BNC2: variants seen among roughly 807,000 people sequenced by gnomAD.
BNC2 encodes zinc finger protein basonuclin-2.
BNC2 carries 20 observed loss-of-function variants against 76.3 expected under a neutral mutation model. That is an observed-to-expected ratio of 0.26 (90% CI 0.18 to 0.38). BNC2 has a LOEUF of 0.38. Ranked by LOEUF, BNC2 falls within the 10% of genes least tolerant of loss-of-function variation. The probability of loss-of-function intolerance (pLI) is 1.00; values close to 1 mark genes in which losing one functional copy is unlikely to be tolerated. For synonymous variants in BNC2, 582 were observed against 514.8 expected (o/e 1.13, Z -1.77); for missense variants, 1,382 against 1,399.8 (o/e 0.99, Z 0.20).
intron 1 of BNC2, among the ~76,000 whole-genome samples, chr9:16,806,461 A>G (rs1343414128): frequency 6.6e-6 from 1 of 152,174 alleles, no homozygotes; most frequent in Non-Finnish European, 1.5e-5. Context: ...GAACATAATG[A>G]TAAGAAGGAA....
At chr9:16,503,306 C>T (rs1822559520) in intron 5 of BNC2, among the ~76,000 whole-genome samples, 1 of 152,114 alleles carries the variant, frequency 6.6e-6, no homozygotes, top group Non-Finnish European at 1.5e-5. Flanking sequence ...AGCAGAATAT[C>T]ATTCTTCCTG....
chr9:16,453,627 C>T (rs1425249804), intron 5 of BNC2, among the ~76,000 whole-genome samples: 1 of 152,160 alleles, frequency 6.6e-6, no homozygotes, highest in African/African-American at 2.4e-5. Context: ...AAGTGCACCT[C>T]TGACCACATT....
intron 5 of BNC2, among the ~76,000 whole-genome samples, chr9:16,462,308 G>C (rs1472105704): frequency 2.6e-5 from 4 of 152,118 alleles, no homozygotes; most frequent in African/African-American, 9.7e-5. Context: ...TTAATAAAGT[G>C]ATACATCTAA....
At chr9:16,479,218 C>G (rs1821992974) in intron 5 of BNC2, among the ~76,000 whole-genome samples, 1 of 149,132 alleles carries the variant, frequency 6.7e-6, no homozygotes, top group Non-Finnish European at 1.5e-5. Flanking sequence ...CCACTGTACT[C>G]CAGCCTGGGC....
At chr9:16,709,573 G>A (rs771135389) in intron 3 of BNC2, among the ~76,000 whole-genome samples, 3 of 152,150 alleles carry the variant, frequency 2.0e-5, no homozygotes, top group South Asian at 2.1e-4. Context: ...CAGCATTCAG[G>A]AGCCTCATTA....
chr9:16,625,266 T>C (rs1820962430), intron 3 of BNC2, among the ~76,000 whole-genome samples: 1 of 152,120 alleles, frequency 6.6e-6, no homozygotes, highest in Admixed American at 6.5e-5. Flanking sequence ...GATCGGGAAA[T>C]GAAATATGTT....
At chr9:16,569,193 A>G (rs1472967537) in intron 4 of BNC2, among the ~76,000 whole-genome samples, 3 of 151,778 alleles carry the variant, frequency 2.0e-5, no homozygotes, top group African/African-American at 7.3e-5. Context: ...TCCTCATTAC[A>G]TTACTATACC....
At chr9:16,695,523 TTC>T (rs1361138904) in intron 3 of BNC2, among the ~76,000 whole-genome samples, 3 of 126,954 alleles carry the variant, frequency 2.4e-5, no homozygotes, top group Middle Eastern at 3.9e-3. Context: ...CTAAATTTTT[TTC>T]TTTTTCTTTC....
intron 6 of BNC2, among the ~76,000 whole-genome samples, chr9:16,433,401 CTGAAGCT>C (rs2130815205): frequency 6.6e-6 from 1 of 152,272 alleles, no homozygotes; most frequent in South Asian, 2.1e-4. Flanking sequence ...CAACTGTCTT[CTGAAGCT>C]TGCTATCTTC....
intron 1 of BNC2, among the ~76,000 whole-genome samples, chr9:16,864,043 A>C (rs893571128): frequency 1.3e-5 from 2 of 152,206 alleles, no homozygotes; most frequent in Admixed American, 6.5e-5. Flanking sequence ...AAGATTTTAA[A>C]ATAATATTTT....
intron 1 of BNC2, among the ~76,000 whole-genome samples, chr9:16,781,106 TG>T (rs1826142105): frequency 6.6e-6 from 1 of 152,096 alleles, no homozygotes; most frequent in African/African-American, 2.4e-5. Context: ...GGGATCTAAT[TG>T]TTTCATGTTT....
At chr9:16,560,721 C>T (rs1818986187) in intron 4 of BNC2, among the ~76,000 whole-genome samples, 1 of 152,108 alleles carries the variant, frequency 6.6e-6, no homozygotes, top group Admixed American at 6.5e-5. Flanking sequence ...AATGAGACCG[C>T]ATCTCTAAAC....
At chr9:16,702,415 T>A (rs1449505344) in intron 3 of BNC2, among the ~76,000 whole-genome samples, 1 of 152,038 alleles carries the variant, frequency 6.6e-6, no homozygotes, top group African/African-American at 2.4e-5. Flanking sequence ...GTAAACTACC[T>A]GTACCAAAAC....
chr9:16,854,444 A>T (rs1390026336), intron 1 of BNC2, among the ~76,000 whole-genome samples: 1 of 152,194 alleles, frequency 6.6e-6, no homozygotes, highest in African/African-American at 2.4e-5. Flanking sequence ...AGTTTATTCC[A>T]CCTGTATATA....
intron 1 of BNC2, among the ~76,000 whole-genome samples, chr9:16,746,493 T>G (rs544958388): frequency 5.2e-4 from 79 of 151,986 alleles, no homozygotes; most frequent in African/African-American, 1.8e-3. Context: ...CCTCCAGAGT[T>G]GCTGGGATTA....
intron 1 of BNC2, among the ~76,000 whole-genome samples, chr9:16,805,237 C>G (rs1319225462): frequency 6.6e-6 from 1 of 152,150 alleles, no homozygotes; most frequent in Non-Finnish European, 1.5e-5. Context: ...GTCTGCAAGG[C>G]TACATAAGCA....
intron 5 of BNC2, among the ~76,000 whole-genome samples, chr9:16,538,169 T>A (rs896614838): frequency 1.3e-5 from 2 of 152,222 alleles, no homozygotes; most frequent in African/African-American, 4.8e-5. Context: ...TGGTACTGCC[T>A]GAAGGTTCTT....
intron 3 of BNC2, among the ~76,000 whole-genome samples, chr9:16,614,014 G>T (rs958757593): frequency 6.6e-6 from 1 of 152,202 alleles, no homozygotes; most frequent in African/African-American, 2.4e-5. Context: ...TTGTTTTCTG[G>T]TTTGTGTGTC....
chr9:16,857,546 T>A (rs920889806), intron 1 of BNC2, among the ~76,000 whole-genome samples: 1 of 151,546 alleles, frequency 6.6e-6, no homozygotes, highest in African/African-American at 2.4e-5. Flanking sequence ...CACAGAATTG[T>A]TTCCCCTAGG....
Sources: allele counts gnomAD v4.1 joint callset (sites outside exome capture counted in the v4.1 genomes callset), GRCh38; gene constraint gnomAD v4.1.1; transcripts MANE v1.5; gene names NCBI Gene and HGNC (gene_info 2026-07-23, HGNC 2026-07-21).